Variants in KCNB2 observed in about 807,000 individuals in gnomAD.
The protein encoded by KCNB2 is delayed rectifier potassium channel protein.
A neutral mutation model predicts 61.5 loss-of-function variants in KCNB2; 15 were observed. The ratio of observed to expected loss-of-function variants is 0.24; its 90% CI spans 0.16 to 0.38. The LOEUF is 0.38. Among genes scored for constraint, KCNB2 ranks in the 10% least tolerant of loss-of-function variants. KCNB2 has a pLI of 1.00. For missense variants in KCNB2, 828 were observed against 1,125.2 expected, an observed-to-expected ratio of 0.74 and a Z score of 3.78; for synonymous variants, 457 against 446.0, an observed-to-expected ratio of 1.02 and a Z score of -0.31.
chr8:72,609,631 A>G (rs1373721904), intron 2 of KCNB2, among the ~76,000 whole-genome samples: 2 of 152,170 alleles, frequency 1.3e-5, no homozygotes, highest in Non-Finnish European at 2.9e-5. Context: ...TGGAATTTAC[A>G]TCAGAATCTG....
At chr8:72,681,309 C>CT (rs973964745) in intron 2 of KCNB2, among the ~76,000 whole-genome samples, 1 of 152,070 alleles carries the variant, frequency 6.6e-6, no homozygotes, top group South Asian at 2.1e-4. Flanking sequence ...AAAAAGACAG[C>CT]TTTTTTTCTC....
intron 2 of KCNB2, among the ~76,000 whole-genome samples, chr8:72,631,563 T>G (rs550675125): frequency 8.0e-4 from 122 of 152,326 alleles, no homozygotes; most frequent in African/African-American, 2.5e-3. Flanking sequence ...CTTGATTACA[T>G]TGGTAAAGAC....
Position 72,937,988 on chromosome 8 carries a change from G to C in KCNB2, c.2633G>C (p.Ser878Thr). Residue 878 changes from serine (S) to threonine (T), a missense_variant, in exon 3 of 3, where the codon AGT becomes ACT. Physicochemically the swap from Ser to Thr is moderately conservative, Grantham distance 58. Transcript: ENST00000523207. ...GCTGTGAGTGAAGTCAAAAAGGACAGTAGTCAAGAAGGGTGCAAGATGGAA... is the reference window on the plus strand; with the variant it reads ...GCTGTGAGTGAAGTCAAAAAGGACACTAGTCAAGAAGGGTGCAAGATGGAA... ...YHAVSEVKKDSSQEGCKMENH... is the reference protein window; with the variant it reads ...YHAVSEVKKDTSQEGCKMENH... 1 of 1,614,132 alleles carries C rather than the reference G, an allele frequency of 6.2e-7. No individual in the cohort carries two copies. Among genetic ancestry groups the C allele is most frequent in the Non-Finnish European group, 8.5e-7 (1 of 1,180,004 alleles).
In KCNB2 at chr8:72,704,120, G is replaced by A. The variant is rs144157648; in HGVS notation, c.579+135807G>A. ...TGACCATGAAAAACAGATCTTTGCT[G>A]CTAGAGTTAATTGAGAGAGTTCAAG... On this transcript the variant is annotated intron_variant, in intron 2 of 2. Coordinates refer to ENST00000523207, the MANE Select transcript of KCNB2 (RefSeq NM_004770.3). 2.1e-3 allele frequency among the ~76,000 whole-genome samples: 321 copies of A among 152,254 alleles called. 3 individuals are homozygous for A. Among genetic ancestry groups the A allele is most frequent in the African/African-American group, 7.3e-3 (302 of 41,544 alleles).
chr8:72,640,718 A>G (rs1019958008), intron 2 of KCNB2, among the ~76,000 whole-genome samples: 1 of 152,156 alleles, frequency 6.6e-6, no homozygotes, highest in African/African-American at 2.4e-5. Flanking sequence ...GTTTAATTAT[A>G]GTTTATAAAC....
chr8:72,892,626 TG>T (rs1466529729), intron 2 of KCNB2, among the ~76,000 whole-genome samples: 1 of 152,200 alleles, frequency 6.6e-6, no homozygotes, highest in Non-Finnish European at 1.5e-5. Flanking sequence ...TTACACAGCT[TG>T]CTCAAAGTTT....
At chr8:72,871,969 C>T (rs1010589377) in intron 2 of KCNB2, among the ~76,000 whole-genome samples, 7 of 152,198 alleles carry the variant, frequency 4.6e-5, no homozygotes, top group Non-Finnish European at 1.0e-4. Flanking sequence ...GTCCATTACA[C>T]CTTGGAGCAT....
intron 2 of KCNB2, among the ~76,000 whole-genome samples, chr8:72,856,687 G>C (rs955757921): frequency 1.3e-5 from 2 of 152,092 alleles, no homozygotes; most frequent in Non-Finnish European, 2.9e-5. Flanking sequence ...CCTGTTCTTG[G>C]TTCTAAAACC....
intron 2 of KCNB2, among the ~76,000 whole-genome samples, chr8:72,852,967 A>G (rs1810144878): frequency 6.6e-6 from 1 of 152,170 alleles, no homozygotes; most frequent in African/African-American, 2.4e-5. Flanking sequence ...CTACCCCTTC[A>G]TGTGGCAATA....
At chr8:72,692,978 A>G (rs1806962834) in intron 2 of KCNB2, among the ~76,000 whole-genome samples, 1 of 152,054 alleles carries the variant, frequency 6.6e-6, no homozygotes, top group South Asian at 2.1e-4. Context: ...TTTTGTTTTA[A>G]GGATTTGCTC....
At chr8:72,658,111 A>G (rs1389372522) in intron 2 of KCNB2, among the ~76,000 whole-genome samples, 1 of 152,178 alleles carries the variant, frequency 6.6e-6, no homozygotes, top group African/African-American at 2.4e-5. Context: ...ACTAGAAATG[A>G]TTAAGCTTAG....
At chr8:72,626,584 C>A (rs1805793776) in intron 2 of KCNB2, among the ~76,000 whole-genome samples, 2 of 152,200 alleles carry the variant, frequency 1.3e-5, no homozygotes, top group African/African-American at 4.8e-5. Flanking sequence ...TTGTGCAGAG[C>A]ACTTTGATAT....
At chr8:72,546,466 G>A (rs369628228) in intron 1 of KCNB2, among the ~76,000 whole-genome samples, 6 of 150,842 alleles carry the variant, frequency 4.0e-5, no homozygotes, top group Admixed American at 3.3e-4. Context: ...GCAGTGAGCC[G>A]AGATTGCACC....
chr8:72,813,910 G>A (rs954161939), intron 2 of KCNB2, among the ~76,000 whole-genome samples: 4 of 151,854 alleles, frequency 2.6e-5, no homozygotes, highest in Non-Finnish European at 4.4e-5. Flanking sequence ...ACAACGTGCA[G>A]GTTTGTTACA....
At chr8:72,763,060 A>T (rs1808409439) in intron 2 of KCNB2, among the ~76,000 whole-genome samples, 1 of 148,968 alleles carries the variant, frequency 6.7e-6, no homozygotes, top group African/African-American at 2.5e-5. Flanking sequence ...AAAAAAAAAA[A>T]CAGAAAAAGA....
chr8:72,708,274 T>A (rs1271170754), intron 2 of KCNB2, among the ~76,000 whole-genome samples: 1 of 151,560 alleles, frequency 6.6e-6, no homozygotes, highest in Non-Finnish European at 1.5e-5. Flanking sequence ...AAATGTGGCT[T>A]CTTATGAGAA....
At chr8:72,686,875 C>A (rs376457199) in intron 2 of KCNB2, among the ~76,000 whole-genome samples, 1 of 152,166 alleles carries the variant, frequency 6.6e-6, no homozygotes. Flanking sequence ...AAATAGCCAT[C>A]TTAAAATTAT....
intron 2 of KCNB2, among the ~76,000 whole-genome samples, chr8:72,823,886 T>C (rs1585913806): frequency 6.6e-6 from 1 of 152,084 alleles, no homozygotes; most frequent in African/African-American, 2.4e-5. Flanking sequence ...TACTTACACC[T>C]CTAAGGGCTT....
intron 2 of KCNB2, among the ~76,000 whole-genome samples, chr8:72,616,439 C>T (rs1805621082): frequency 6.6e-6 from 1 of 152,126 alleles, no homozygotes; most frequent in Non-Finnish European, 1.5e-5. Context: ...TTTTAAATCA[C>T]CAAAGTCAGC....
Sources: allele counts gnomAD v4.1 joint callset (sites outside exome capture counted in the v4.1 genomes callset), GRCh38; gene constraint gnomAD v4.1.1; transcripts MANE v1.5; gene names NCBI Gene and HGNC (gene_info 2026-07-23, HGNC 2026-07-21).